GFRAL: variants seen among roughly 807,000 people sequenced by gnomAD.
The protein encoded by GFRAL is GDNF family receptor alpha like, also known as GDNF family receptor alpha-like.
In GFRAL, 36 loss-of-function variants were observed where a neutral mutation model predicts 45.4. That is an observed-to-expected ratio of 0.79 (90% CI 0.61 to 1.05). The LOEUF (loss-of-function observed/expected upper bound fraction) is 1.05, where lower values mean the gene tolerates loss of function less well. Ranked by LOEUF, GFRAL falls within the 50% of genes least tolerant of loss-of-function variation. The pLI, the probability that GFRAL is intolerant of heterozygous loss-of-function variation, is 0.00. For missense variants in GFRAL, 507 were observed against 467.5 expected (o/e 1.08, Z -0.78); for synonymous variants, 166 against 154.1 (o/e 1.08, Z -0.57).
At chr6:55,376,870 G>A (rs1768541707) in intron 6 of GFRAL, among the ~76,000 whole-genome samples, 1 of 151,636 alleles carries the variant, frequency 6.6e-6, no homozygotes, top group Non-Finnish European at 1.5e-5. Flanking sequence ...CTTGTCTTCT[G>A]CTAGCTTTGG....
At position 55,400,849 on chromosome 6, in the gene GFRAL, G is replaced by GACAAA. The variant is rs577755043; in HGVS notation, c.1122-940_1122-936dup. Among the ~76,000 whole-genome samples, 959 of 152,260 alleles carry GACAAA rather than the reference G, an allele frequency of 6.3e-3. 8 individuals carry two copies. Among genetic ancestry groups the GACAAA allele is most frequent in the Middle Eastern group, 0.02 (6 of 294 alleles). On this transcript the variant is annotated intron_variant, in intron 8 of 8. Transcript: ENST00000340465. ...TATTGTTCCTGCCTAGATATTCCAT[G>GACAAA]ACAAACATTGTTACAACAAAATATG...
chr6:55,400,161 ACT>A (rs1250666419), intron 8 of GFRAL, among the ~76,000 whole-genome samples: 2 of 140,828 alleles, frequency 1.4e-5, no homozygotes, highest in South Asian at 2.3e-4. Flanking sequence ...ATTAAAAAAA[ACT>A]CACATTTAAA....
At chr6:55,395,175 A>AAAAAATATAT in intron 6 of GFRAL, among the ~76,000 whole-genome samples, 15 of 123,474 alleles carry the variant, frequency 1.2e-4, no homozygotes, top group African/African-American at 3.8e-4. Flanking sequence ...AAAAAAAAAA[A>AAAAAATATAT]ATATATATAT....
chr6:55,347,781 C>G (rs1439203206), intron 3 of GFRAL, among the ~76,000 whole-genome samples: 2 of 151,986 alleles, frequency 1.3e-5, no homozygotes, highest in Non-Finnish European at 2.9e-5. Context: ...TTCTATTTTT[C>G]TTCTTGCTTC....
intron 3 of GFRAL, among the ~76,000 whole-genome samples, chr6:55,338,038 C>G (rs1767913663): frequency 6.6e-6 from 1 of 151,942 alleles, no homozygotes. Context: ...AAATTTATGT[C>G]AAAATATTTT....
chr6:55,381,311 G>A (rs924126320), intron 6 of GFRAL, among the ~76,000 whole-genome samples: 6 of 151,786 alleles, frequency 4.0e-5, no homozygotes, highest in South Asian at 4.2e-4. Flanking sequence ...GAGCCTTTCC[G>A]TACCTGTTTC....
intron 6 of GFRAL, among the ~76,000 whole-genome samples, chr6:55,362,312 C>CA (rs1768286736): frequency 6.7e-6 from 1 of 149,782 alleles, no homozygotes; most frequent in African/African-American, 2.5e-5. Context: ...CAAAACAAAA[C>CA]AAAAAACTTA....
intron 6 of GFRAL, among the ~76,000 whole-genome samples, chr6:55,388,424 G>T (rs527279792): frequency 6.6e-6 from 1 of 152,262 alleles, no homozygotes; most frequent in African/African-American, 2.4e-5. Context: ...TGCTACTCTT[G>T]ATGTTTTGAG....
intron 4 of GFRAL, among the ~76,000 whole-genome samples, chr6:55,350,630 G>T (rs1451090536): frequency 1.3e-5 from 2 of 152,158 alleles, no homozygotes; most frequent in Non-Finnish European, 2.9e-5. Context: ...GAGCCCAGGA[G>T]TTGGAGGTTG....
chr6:55,381,263 C>T (rs1354219828), intron 6 of GFRAL, among the ~76,000 whole-genome samples: 2 of 151,890 alleles, frequency 1.3e-5, no homozygotes, highest in Non-Finnish European at 2.9e-5. Flanking sequence ...AAAACCTCCT[C>T]AAAATGTATA....
At chr6:55,378,197 C>T (rs1768560045) in intron 6 of GFRAL, among the ~76,000 whole-genome samples, 1 of 151,878 alleles carries the variant, frequency 6.6e-6, no homozygotes, top group African/African-American at 2.4e-5. Context: ...GGTACAATGT[C>T]CAAGATGAAG....
At chr6:55,370,243 C>T (rs1051027633) in intron 6 of GFRAL, among the ~76,000 whole-genome samples, 1 of 151,808 alleles carries the variant, frequency 6.6e-6, no homozygotes, top group Non-Finnish European at 1.5e-5. Flanking sequence ...TTTTAAGTGT[C>T]TCTCAACATC....
chr6:55,348,077 T>G (rs1293572043), intron 3 of GFRAL, among the ~76,000 whole-genome samples: 1 of 152,106 alleles, frequency 6.6e-6, no homozygotes, highest in African/African-American at 2.4e-5. Flanking sequence ...TTAGAGCATA[T>G]TTTAGGGATT....
intron 3 of GFRAL, among the ~76,000 whole-genome samples, chr6:55,335,409 A>G (rs888175859): frequency 5.3e-5 from 8 of 152,158 alleles, no homozygotes; most frequent in African/African-American, 1.9e-4. Flanking sequence ...TTTAGTCTGT[A>G]TCATTTAAGA....
At chr6:55,327,912 A>C (rs1364330356) in intron 1 of GFRAL, among the ~76,000 whole-genome samples, 3 of 152,030 alleles carry the variant, frequency 2.0e-5, no homozygotes, top group Non-Finnish European at 1.5e-5. Flanking sequence ...AATAAAAATA[A>C]AACCTTCCAG....
intron 6 of GFRAL, among the ~76,000 whole-genome samples, chr6:55,395,311 T>G (rs1355010493): frequency 6.6e-6 from 1 of 151,606 alleles, no homozygotes; most frequent in Non-Finnish European, 1.5e-5. Context: ...CATTTATATA[T>G]TTTTTCATTG....
chr6:55,381,584 A>G (rs1401490135), intron 6 of GFRAL, among the ~76,000 whole-genome samples: 2 of 151,920 alleles, frequency 1.3e-5, no homozygotes, highest in Non-Finnish European at 2.9e-5. Context: ...TTATATATGG[A>G]GGTGCATGAT....
chr6:55,340,582 A>G lies in GFRAL; in HGVS notation c.316+6638A>G, dbSNP rs183982367. Among the ~76,000 whole-genome samples, 520 of 152,288 alleles carry G rather than the reference A, an allele frequency of 3.4e-3. 6 individuals carry two copies. The highest frequency in any genetic ancestry group is 9.7e-3 in the African/African-American group (401 of 41,544). On this transcript the variant is annotated intron_variant, in intron 3 of 8. Transcript: ENST00000340465. ...CAGAATAGGAACAGCTCCAGTCTAC[A>G]GCTCCCAGCCTGAGTGATGCAGAAG... is the stretch of plus-strand genomic sequence containing the variant.
chr6:55,392,394 A>C (rs769273500), intron 6 of GFRAL, among the ~76,000 whole-genome samples: 3 of 152,224 alleles, frequency 2.0e-5, no homozygotes, highest in Non-Finnish European at 4.4e-5. Context: ...TTGGGTCCAA[A>C]TATGGTGCTT....
Sources: allele counts gnomAD v4.1 joint callset (sites outside exome capture counted in the v4.1 genomes callset), GRCh38; gene constraint gnomAD v4.1.1; transcripts MANE v1.5; gene names NCBI Gene and HGNC (gene_info 2026-07-23, HGNC 2026-07-21).